Variants in C8orf34 observed in about 807,000 individuals in gnomAD.
C8orf34 encodes the protein uncharacterized protein C8orf34.
Under a neutral mutation model 68.3 loss-of-function variants are expected in C8orf34, and 65 were observed. That is an observed-to-expected ratio of 0.95 (90% CI 0.78 to 1.17). The LOEUF is 1.17. C8orf34 is among the 50% of genes most tolerant of loss of function. The pLI is 0.00. For synonymous variants in C8orf34, 244 were observed against 241.2 expected (o/e 1.01, Z -0.11); for missense variants, 664 against 655.4 (o/e 1.01, Z -0.14).
chr8:68,341,780 C>A lies in C8orf34; in HGVS notation c.327+10441C>A, dbSNP rs77043768. On this transcript the variant is annotated intron_variant, in intron 1 of 13. Transcript: ENST00000518698. ...CCTGAGGCCGTCCCAGAAGCTGAGC[C>A]GATGCCAGTGCCATGCTTCTTGTAT... 7.8e-3 allele frequency among the ~76,000 whole-genome samples: 1,194 copies of A among 152,302 alleles called. 18 individuals are homozygous for A. Among genetic ancestry groups the A allele is most frequent in the African/African-American group, 0.026 (1,098 of 41,564 alleles).
At position 68,431,465 on chromosome 8, in the gene C8orf34, T is replaced by A. The variant is rs187431888; in HGVS notation, c.328-8034T>A. Among the ~76,000 whole-genome samples, 19 of 152,286 alleles carry A rather than the reference T, an allele frequency of 1.2e-4. No homozygotes were observed. The East Asian group carries it at 3.7e-3, about 29-fold the overall frequency. ...CCTATATTGTACTCCTACAGAGGTATTTTCAAGTAAGACTGTGTGAAGTCC... is the reference window on the plus strand; with the variant it reads ...CCTATATTGTACTCCTACAGAGGTAATTTCAAGTAAGACTGTGTGAAGTCC... On this transcript the variant is annotated intron_variant, in intron 1 of 13. Coordinates refer to ENST00000518698, the MANE Select transcript of C8orf34 (RefSeq NM_052958.4).
chr8:68,466,221 G>C (rs1003701148), intron 3 of C8orf34, among the ~76,000 whole-genome samples: 1 of 152,070 alleles, frequency 6.6e-6, no homozygotes, highest in East Asian at 1.9e-4. Context: ...CAGTGACTGG[G>C]AAGGGTGATT....
chr8:68,601,831 A>T (rs1268015206), intron 7 of C8orf34, among the ~76,000 whole-genome samples: 2 of 152,156 alleles, frequency 1.3e-5, no homozygotes, highest in African/African-American at 2.4e-5. Flanking sequence ...TGTATATTAT[A>T]TTAAAATATT....
intron 1 of C8orf34, among the ~76,000 whole-genome samples, chr8:68,334,040 T>A (rs1805744111): frequency 6.6e-6 from 1 of 152,248 alleles, no homozygotes; most frequent in Non-Finnish European, 1.5e-5. Flanking sequence ...TTCACTGATA[T>A]TGAGAATACT....
chr8:68,330,961 C>T lies in C8orf34; in HGVS notation c.-52C>T. 7.7e-7 allele frequency: 1 copy of T among 1,306,414 alleles called. No individual in the cohort carries two copies. Among genetic ancestry groups the T allele is most frequent in the Non-Finnish European group, 9.9e-7 (1 of 1,012,964 alleles). The allele number at this position is 1,306,414 out of a possible 1,614,324, so 80.9% of individuals were successfully genotyped here. Reference sequence around the variant, plus strand: ...CTCTGCCTCGAATTTCCCCACTGCGCCGGGCGCTGCGGAGAGCGGCGAGGG... The same window carrying T: ...CTCTGCCTCGAATTTCCCCACTGCGTCGGGCGCTGCGGAGAGCGGCGAGGG... On this transcript the variant is annotated 5_prime_UTR_variant, in exon 1 of 14. Coordinates refer to ENST00000518698, the MANE Select transcript of C8orf34 (RefSeq NM_052958.4).
At chr8:68,602,471 A>G (rs1035227524) in intron 7 of C8orf34, among the ~76,000 whole-genome samples, 1 of 151,984 alleles carries the variant, frequency 6.6e-6, no homozygotes, top group Non-Finnish European at 1.5e-5. Flanking sequence ...GTGAAGGGGG[A>G]AGCCCCTTAT....
At chr8:68,785,519 G>A (rs534527772) in intron 11 of C8orf34, among the ~76,000 whole-genome samples, 164 of 152,276 alleles carry the variant, frequency 1.1e-3, no homozygotes, top group Middle Eastern at 3.4e-3. Context: ...CATATGTAGA[G>A]TTCCTTTAGC....
chr8:68,414,490 G>T (rs929770673), intron 1 of C8orf34, among the ~76,000 whole-genome samples: 1 of 152,144 alleles, frequency 6.6e-6, no homozygotes, highest in Non-Finnish European at 1.5e-5. Context: ...ATTTTTTCAG[G>T]TAATATACAT....
In C8orf34 at chr8:68,661,798, G is replaced by A. The variant is rs376181231; in HGVS notation, c.1241+21287G>A. On this transcript the variant is annotated intron_variant, in intron 8 of 13. Transcript: ENST00000518698. ...ACTTGTGGGGTAGTTGGAGGTTCTCGGGGGACCCTTTCCTTACTGTCTGCC... is the reference window on the plus strand; with the variant it reads ...ACTTGTGGGGTAGTTGGAGGTTCTCAGGGGACCCTTTCCTTACTGTCTGCC... Among the ~76,000 whole-genome samples, 444 of 152,018 alleles carry A rather than the reference G, an allele frequency of 2.9e-3. 3 individuals carry two copies. The highest frequency in any genetic ancestry group is 9.7e-3 in the African/African-American group (404 of 41,478).
chr8:68,744,021 A>T (rs1377093878), intron 10 of C8orf34, among the ~76,000 whole-genome samples: 1 of 152,146 alleles, frequency 6.6e-6, no homozygotes. Flanking sequence ...TTCTCCCAGC[A>T]TGCAGCTGGA....
At chr8:68,460,239 G>T (rs1047986415) in intron 3 of C8orf34, among the ~76,000 whole-genome samples, 1 of 152,202 alleles carries the variant, frequency 6.6e-6, no homozygotes, top group African/African-American at 2.4e-5. Flanking sequence ...GGCTGGGGGA[G>T]GGGCGCCCGC....
At chr8:68,661,009 T>A (rs1321507548) in intron 8 of C8orf34, among the ~76,000 whole-genome samples, 9 of 152,146 alleles carry the variant, frequency 5.9e-5, no homozygotes, top group African/African-American at 2.2e-4. Context: ...AACTCTTAAC[T>A]GTTGTACCCT....
intron 1 of C8orf34, among the ~76,000 whole-genome samples, chr8:68,338,431 ACTGTCTAGAAGCCTGTTTGTAACTCCTC>A (rs1805939994): frequency 6.6e-6 from 1 of 152,088 alleles, no homozygotes; most frequent in South Asian, 2.1e-4. Context: ...TGCCCTTCCT[ACTGTCTAGAAGCCTGTTTGTAACTCCTC>A]TTCTCCTTAC....
chr8:68,706,233 C>A (rs1202746985), intron 8 of C8orf34, among the ~76,000 whole-genome samples: 1 of 152,194 alleles, frequency 6.6e-6, no homozygotes, highest in African/African-American at 2.4e-5. Flanking sequence ...TGGAGTCTGC[C>A]TTCGCAGGAG....
chr8:68,796,419 G>A (rs756570616), intron 12 of C8orf34, among the ~76,000 whole-genome samples: 121 of 152,120 alleles, frequency 8.0e-4, no homozygotes, highest in Non-Finnish European at 1.5e-3. Context: ...TTGAGGAATG[G>A]AAGTATGATA....
chr8:68,778,222 C>G (rs1823576822), intron 11 of C8orf34, among the ~76,000 whole-genome samples: 1 of 152,068 alleles, frequency 6.6e-6, no homozygotes, highest in Non-Finnish European at 1.5e-5. Flanking sequence ...TTTTATTTCA[C>G]TTTTTCTTTT....
intron 1 of C8orf34, among the ~76,000 whole-genome samples, chr8:68,377,006 T>A (rs1807831128): frequency 6.6e-6 from 1 of 152,146 alleles, no homozygotes; most frequent in Non-Finnish European, 1.5e-5. Context: ...ATACACTGTT[T>A]AGTTTTGTTT....
At chr8:68,479,403 CAGTGAGAGAGAGAG>C (rs1233436527) in intron 4 of C8orf34, among the ~76,000 whole-genome samples, 1 of 85,622 alleles carries the variant, frequency 1.2e-5, no homozygotes, top group African/African-American at 4.7e-5. Context: ...CACAGAGAAA[CAGTGAGAGAGAGAG>C]AGAGAGAGAG....
chr8:68,334,142 A>G (rs1585931538), intron 1 of C8orf34, among the ~76,000 whole-genome samples: 1 of 152,064 alleles, frequency 6.6e-6, no homozygotes, highest in East Asian at 1.9e-4. Context: ...TTATGATTTG[A>G]GATGCTTATT....
Sources: gnomAD v4.1 joint callset for allele counts (sites outside exome capture counted in the v4.1 genomes callset) on GRCh38, gnomAD v4.1.1 for gene constraint, MANE v1.5 for transcripts, NCBI Gene and HGNC (gene_info 2026-07-23, HGNC 2026-07-21) for gene names.